The following DCC variants were observed in gnomAD, a reference collection of about 807,000 sequenced individuals.
The protein encoded by DCC is DCC netrin 1 receptor.
A neutral mutation model predicts 172.5 loss-of-function variants in DCC; 58 were observed. The ratio of observed to expected loss-of-function variants is 0.34; its 90% CI spans 0.27 to 0.42. The LOEUF is 0.42. DCC is among the 10% of genes least tolerant of loss of function. DCC has a pLI of 1.00. For missense variants in DCC, 1,740 were observed against 1,791.0 expected (o/e 0.97, Z 0.51); for synonymous variants, 709 against 644.5 (o/e 1.10, Z -1.52).
At chr18:52,449,250 T>G (rs1427998115) in intron 1 of DCC, among the ~76,000 whole-genome samples, 1 of 152,162 alleles carries the variant, frequency 6.6e-6, no homozygotes, top group African/African-American at 2.4e-5. Flanking sequence ...TCCCACAACA[T>G]GTGAGAATTC....
chr18:52,466,949 G>A (rs1988801542), intron 1 of DCC, among the ~76,000 whole-genome samples: 1 of 151,922 alleles, frequency 6.6e-6, no homozygotes, highest in Non-Finnish European at 1.5e-5. Flanking sequence ...GTTGTCAATG[G>A]CAGAACCCGG....
At chr18:52,787,475 T>G (rs2037681785) in intron 2 of DCC, among the ~76,000 whole-genome samples, 1 of 152,152 alleles carries the variant, frequency 6.6e-6, no homozygotes, top group African/African-American at 2.4e-5. Context: ...AATTTTACCC[T>G]TAATTATGAT....
chr18:52,675,354 C>T (rs1370304664), intron 1 of DCC, among the ~76,000 whole-genome samples: 2 of 152,150 alleles, frequency 1.3e-5, no homozygotes, highest in Non-Finnish European at 1.5e-5. Flanking sequence ...CATGCCCGGC[C>T]TAATCCCAGG....
At chr18:53,482,070 GTGTT>G (rs1203047846) in intron 25 of DCC, among the ~76,000 whole-genome samples, 1 of 152,270 alleles carries the variant, frequency 6.6e-6, no homozygotes, top group East Asian at 1.9e-4. Context: ...GTGTATGTGT[GTGTT>G]TGTGTGTGTG....
At chr18:52,349,760 G>A (rs897388305) in intron 1 of DCC, among the ~76,000 whole-genome samples, 3 of 152,098 alleles carry the variant, frequency 2.0e-5, no homozygotes, top group Middle Eastern at 3.4e-3. Flanking sequence ...AATCACTCTC[G>A]CCTCCCCATT....
At chr18:52,675,872 A>T (rs1227552182) in intron 1 of DCC, among the ~76,000 whole-genome samples, 2 of 152,250 alleles carry the variant, frequency 1.3e-5, no homozygotes, top group African/African-American at 4.8e-5. Context: ...TTGAATAAGT[A>T]AAAGAGGACT....
chr18:52,618,722 T>C (rs1283954785), intron 1 of DCC, among the ~76,000 whole-genome samples: 2 of 152,198 alleles, frequency 1.3e-5, no homozygotes, highest in South Asian at 2.1e-4. Flanking sequence ...TTCTAATATA[T>C]TTTGTACTAT....
At chr18:53,220,804 A>G (rs185059558) in intron 12 of DCC, among the ~76,000 whole-genome samples, 1 of 151,998 alleles carries the variant, frequency 6.6e-6, no homozygotes, top group African/African-American at 2.4e-5. Flanking sequence ...TCATCTATTC[A>G]TTACATGGTG....
At chr18:53,068,357 C>T (rs2042603407) in intron 7 of DCC, among the ~76,000 whole-genome samples, 1 of 151,766 alleles carries the variant, frequency 6.6e-6, no homozygotes, top group African/African-American at 2.4e-5. Flanking sequence ...TGGTGTGCTG[C>T]ACCCATTAAC....
chr18:52,520,589 C>G (rs1461869316), intron 1 of DCC, among the ~76,000 whole-genome samples: 10 of 152,134 alleles, frequency 6.6e-5, no homozygotes, highest in Admixed American at 1.3e-4. Flanking sequence ...TCACACCACC[C>G]CTGACTTGTG....
At chr18:52,702,873 A>C (rs568087020) in intron 1 of DCC, among the ~76,000 whole-genome samples, 1 of 152,264 alleles carries the variant, frequency 6.6e-6, no homozygotes, top group Non-Finnish European at 1.5e-5. Context: ...CCATATTAGA[A>C]TATGCATTTA....
At chr18:53,224,052 T>C (rs925704647) in intron 12 of DCC, among the ~76,000 whole-genome samples, 7 of 152,224 alleles carry the variant, frequency 4.6e-5, no homozygotes, top group Admixed American at 3.3e-4. Context: ...AGCAATCAAA[T>C]GCCTTCTTTT....
chr18:53,011,385 G>C (rs893138681), intron 5 of DCC, among the ~76,000 whole-genome samples: 1 of 151,446 alleles, frequency 6.6e-6, no homozygotes, highest in Non-Finnish European at 1.5e-5. Context: ...AGCTTTGACT[G>C]TATTTTCCTC....
intron 3 of DCC, among the ~76,000 whole-genome samples, chr18:52,908,892 ACATG>A (rs2039928225): frequency 6.6e-6 from 1 of 152,288 alleles, no homozygotes; most frequent in East Asian, 1.9e-4. Flanking sequence ...TTAAGATAGT[ACATG>A]CACGTGTGTA....
chr18:52,920,022 A>G (rs1308501073), intron 3 of DCC, among the ~76,000 whole-genome samples: 1 of 147,638 alleles, frequency 6.8e-6, no homozygotes, highest in Non-Finnish European at 1.5e-5. Context: ...TCCATATACA[A>G]AAAAAAAAAA....
intron 3 of DCC, among the ~76,000 whole-genome samples, chr18:52,921,389 T>C (rs1395622936): frequency 1.2e-4 from 1 of 8,100 alleles, no homozygotes; most frequent in Middle Eastern, 0.25. Context: ...TTTTGTTTTC[T>C]GATAAAATAG....
intron 1 of DCC, among the ~76,000 whole-genome samples, chr18:52,722,576 A>C (rs1202932870): frequency 6.6e-6 from 1 of 152,216 alleles, no homozygotes. Context: ...TAACATACTT[A>C]AGTCTTCATC....
At chr18:52,817,069 A>G (rs1245263165) in intron 2 of DCC, among the ~76,000 whole-genome samples, 1 of 152,160 alleles carries the variant, frequency 6.6e-6, no homozygotes, top group Admixed American at 6.5e-5. Context: ...GTTATATTAC[A>G]TTGACCATTA....
chr18:52,836,309 A>T (rs1452440098), intron 2 of DCC, among the ~76,000 whole-genome samples: 1 of 152,142 alleles, frequency 6.6e-6, no homozygotes, highest in Non-Finnish European at 1.5e-5. Flanking sequence ...TCAAAACACA[A>T]TCATGCCCTT....
Sources: gnomAD v4.1 joint callset for allele counts (sites outside exome capture counted in the v4.1 genomes callset) on GRCh38, gnomAD v4.1.1 for gene constraint, MANE v1.5 for transcripts, NCBI Gene and HGNC (gene_info 2026-07-23, HGNC 2026-07-21) for gene names.